Variants in SUPT3H observed in about 807,000 individuals in gnomAD.
The protein encoded by SUPT3H is transcription initiation protein SPT3 homolog.
In SUPT3H, 44 loss-of-function variants were observed where a neutral mutation model predicts 44.3. The ratio of observed to expected loss-of-function variants is 0.99; its 90% CI spans 0.78 to 1.28. The LOEUF (loss-of-function observed/expected upper bound fraction) is 1.28, where lower values mean the gene tolerates loss of function less well. SUPT3H is among the 50% of genes most tolerant of loss of function. The pLI is 0.00. For missense variants in SUPT3H, 380 were observed against 387.1 expected (o/e 0.98, Z 0.15); for synonymous variants, 124 against 125.6 (o/e 0.99, Z 0.09).
chr6:44,836,879 T>G (rs537950315), intron 10 of SUPT3H, among the ~76,000 whole-genome samples: 1 of 152,230 alleles, frequency 6.6e-6, no homozygotes, highest in Non-Finnish European at 1.5e-5. Context: ...ACATACATCT[T>G]TGTTTAATAG....
intron 4 of SUPT3H, among the ~76,000 whole-genome samples, chr6:45,019,153 C>T (rs536666007): frequency 6.6e-6 from 1 of 152,220 alleles, no homozygotes; most frequent in East Asian, 1.9e-4. Flanking sequence ...TTGTAGTATT[C>T]TCTGATGGTA....
chr6:44,903,309 G>A (rs1219983197), intron 10 of SUPT3H, among the ~76,000 whole-genome samples: 5 of 151,988 alleles, frequency 3.3e-5, no homozygotes, highest in Non-Finnish European at 7.4e-5. Flanking sequence ...AGAAAAGAGA[G>A]AAGAATCAAA....
intron 3 of SUPT3H, among the ~76,000 whole-genome samples, chr6:45,069,779 C>T (rs11970412): frequency 0.22 from 33,263 of 151,644 alleles, 4,463 homozygotes; most frequent in Non-Finnish European, 0.31. Context: ...AAGTAGTCAC[C>T]GAATTGGTTT....
chr6:45,094,189 C>G (rs1196389510), intron 3 of SUPT3H, among the ~76,000 whole-genome samples: 1 of 152,006 alleles, frequency 6.6e-6, no homozygotes, highest in Non-Finnish European at 1.5e-5. Context: ...CTAAAACGTT[C>G]AGCACAGATT....
intron 10 of SUPT3H, among the ~76,000 whole-genome samples, chr6:44,890,976 G>T (rs1330052287): frequency 1.3e-5 from 2 of 150,962 alleles, no homozygotes; most frequent in African/African-American, 4.9e-5. Context: ...ACTGGGGCCT[G>T]TCGGGGTTGG....
At chr6:44,842,370 A>C (rs1472500066) in intron 10 of SUPT3H, among the ~76,000 whole-genome samples, 2 of 152,266 alleles carry the variant, frequency 1.3e-5, no homozygotes, top group African/African-American at 4.8e-5. Flanking sequence ...ATACATGCAT[A>C]TTGGATTTAG....
chr6:45,282,498 C>G (rs536982007), intron 2 of SUPT3H, among the ~76,000 whole-genome samples: 9 of 151,982 alleles, frequency 5.9e-5, no homozygotes, highest in Non-Finnish European at 8.8e-5. Flanking sequence ...GATGGAAGAT[C>G]AAATGAATGA....
At chr6:44,913,887 T>C (rs1445298824) in intron 10 of SUPT3H, among the ~76,000 whole-genome samples, 1 of 152,212 alleles carries the variant, frequency 6.6e-6, no homozygotes, top group Non-Finnish European at 1.5e-5. Flanking sequence ...ATCATATAGT[T>C]TCATGTGTAA....
intron 3 of SUPT3H, among the ~76,000 whole-genome samples, chr6:45,054,243 C>G (rs1292548430): frequency 6.6e-6 from 1 of 152,064 alleles, no homozygotes; most frequent in Non-Finnish European, 1.5e-5. Context: ...ACCCTTCTCC[C>G]CTGAAGCAGG....
intron 2 of SUPT3H, among the ~76,000 whole-genome samples, chr6:45,208,437 A>G (rs1225443893): frequency 6.6e-5 from 10 of 152,212 alleles, no homozygotes; most frequent in Admixed American, 6.5e-4. Flanking sequence ...ACAAAAAAAG[A>G]GATTCTTGAC....
intron 3 of SUPT3H, among the ~76,000 whole-genome samples, chr6:45,088,994 T>C (rs919086180): frequency 5.9e-5 from 9 of 152,204 alleles, no homozygotes; most frequent in East Asian, 3.9e-4. Flanking sequence ...CAGAATAAGA[T>C]GTATTCATCT....
intron 2 of SUPT3H, among the ~76,000 whole-genome samples, chr6:45,313,038 C>A (rs1784198739): frequency 6.6e-6 from 1 of 152,094 alleles, no homozygotes; most frequent in Non-Finnish European, 1.5e-5. Flanking sequence ...CTTGAATGAG[C>A]ACTGGATCAA....
intron 3 of SUPT3H, among the ~76,000 whole-genome samples, chr6:45,070,295 A>G (rs1171809481): frequency 6.6e-6 from 1 of 152,214 alleles, no homozygotes; most frequent in East Asian, 1.9e-4. Flanking sequence ...TATGAGAATT[A>G]TATAGAGTTT....
At chr6:45,213,570 A>G (rs564426074) in intron 2 of SUPT3H, among the ~76,000 whole-genome samples, 5 of 152,314 alleles carry the variant, frequency 3.3e-5, no homozygotes, top group South Asian at 4.1e-4. Context: ...ACTGTAAATA[A>G]GAGAATGAAC....
chr6:45,180,965 C>T (rs1273650253), intron 2 of SUPT3H, among the ~76,000 whole-genome samples: 1 of 150,930 alleles, frequency 6.6e-6, no homozygotes, highest in Non-Finnish European at 1.5e-5. Context: ...TCACAACCTA[C>T]TCATCTGACA....
intron 2 of SUPT3H, among the ~76,000 whole-genome samples, chr6:45,273,623 A>T (rs1776558451): frequency 6.6e-6 from 1 of 152,136 alleles, no homozygotes; most frequent in Non-Finnish European, 1.5e-5. Context: ...CTTTTAAAAG[A>T]CCCCTTGTAT....
chr6:45,246,448 C>T (rs2057552), intron 2 of SUPT3H, among the ~76,000 whole-genome samples: 132,328 of 152,104 alleles, frequency 0.87, 57,802 homozygotes, highest in African/African-American at 0.91. Flanking sequence ...TTTTAACCAT[C>T]ATCGTAACAG....
chr6:44,960,903 C>G (rs114185418), intron 7 of SUPT3H, among the ~76,000 whole-genome samples: 2,254 of 152,236 alleles, frequency 0.015, 58 homozygotes, highest in African/African-American at 0.05. Flanking sequence ...ACTTTATAAT[C>G]TATAAATGAA....
chr6:45,123,228 T>C (rs1487609732), intron 2 of SUPT3H, among the ~76,000 whole-genome samples: 1 of 152,134 alleles, frequency 6.6e-6, no homozygotes, highest in Non-Finnish European at 1.5e-5. Flanking sequence ...ACTCCAAAAT[T>C]AGTACATACC....
Sources: gnomAD v4.1 joint callset for allele counts (sites outside exome capture counted in the v4.1 genomes callset) on GRCh38, gnomAD v4.1.1 for gene constraint, MANE v1.5 for transcripts, NCBI Gene and HGNC (gene_info 2026-07-23, HGNC 2026-07-21) for gene names.